Variants in MAPRE2 observed in about 807,000 individuals in gnomAD.
The protein encoded by MAPRE2 is microtubule associated protein RP/EB family member 2, also known as microtubule-associated protein RP/EB family member 2.
In MAPRE2, 13 loss-of-function variants were observed where a neutral mutation model predicts 43.2. The ratio of observed to expected loss-of-function variants is 0.30; its 90% CI spans 0.20 to 0.48. The LOEUF (loss-of-function observed/expected upper bound fraction) is 0.48, where lower values mean the gene tolerates loss of function less well. MAPRE2 is among the 20% of genes least tolerant of loss of function. The pLI is 0.99. For synonymous variants in MAPRE2, 135 were observed against 148.8 expected (o/e 0.91, Z 0.68); for missense variants, 161 against 400.2 (o/e 0.40, Z 5.10).
intron 1 of MAPRE2, among the ~76,000 whole-genome samples, chr18:35,047,682 A>G (rs1905698867): frequency 6.6e-6 from 1 of 151,260 alleles, no homozygotes; most frequent in East Asian, 2.0e-4. Flanking sequence ...AGAGTTTTAT[A>G]GGCCACCAAT....
chr18:35,055,495 T>G (rs2150608795), intron 1 of MAPRE2, among the ~76,000 whole-genome samples: 2 of 151,720 alleles, frequency 1.3e-5, no homozygotes, highest in Middle Eastern at 3.4e-3. Context: ...TAATCTGAGG[T>G]TCCAGGTGGA....
intron 4 of MAPRE2, among the ~76,000 whole-genome samples, chr18:35,122,846 G>T (rs1002153152): frequency 6.6e-6 from 1 of 152,266 alleles, no homozygotes; most frequent in African/African-American, 2.4e-5. Flanking sequence ...TTTTAGGGCC[G>T]AGACTCTGCT....
chr18:35,019,170 T>G (rs1379286211), intron 2 of MAPRE2, among the ~76,000 whole-genome samples: 1 of 152,050 alleles, frequency 6.6e-6, no homozygotes, highest in Non-Finnish European at 1.5e-5. Flanking sequence ...TTTCTATTTT[T>G]ATTCCACTGC....
intron 2 of MAPRE2, among the ~76,000 whole-genome samples, chr18:35,009,619 C>G (rs1293330280): frequency 6.6e-6 from 1 of 152,142 alleles, no homozygotes; most frequent in Non-Finnish European, 1.5e-5. Flanking sequence ...GACCAACATT[C>G]CAATTAAAGT....
chr18:35,082,681 G>T (rs987286482), intron 2 of MAPRE2, among the ~76,000 whole-genome samples: 6 of 152,066 alleles, frequency 3.9e-5, no homozygotes, highest in African/African-American at 1.4e-4. Flanking sequence ...CGCTCATTGA[G>T]TACTTGTTTT....
chr18:35,100,811 C>A (rs529756319), intron 3 of MAPRE2, among the ~76,000 whole-genome samples: 1 of 152,018 alleles, frequency 6.6e-6, no homozygotes, highest in Non-Finnish European at 1.5e-5. Flanking sequence ...GAGGCCGAGG[C>A]GGGTGGATCA....
At chr18:35,112,466 C>T (rs546972769) in intron 4 of MAPRE2, among the ~76,000 whole-genome samples, 7 of 152,250 alleles carry the variant, frequency 4.6e-5, no homozygotes, top group East Asian at 1.9e-4. Flanking sequence ...CTACCACACC[C>T]GGCAGAACAT....
At chr18:35,053,953 C>CT (rs1267024372) in intron 1 of MAPRE2, among the ~76,000 whole-genome samples, 1 of 152,088 alleles carries the variant, frequency 6.6e-6, no homozygotes, top group African/African-American at 2.4e-5. Flanking sequence ...ATTTTAAAAA[C>CT]TAAGTAAATG....
chr18:35,057,826 A>G (rs1305201222), intron 1 of MAPRE2, among the ~76,000 whole-genome samples: 1 of 152,106 alleles, frequency 6.6e-6, no homozygotes, highest in Non-Finnish European at 1.5e-5. Flanking sequence ...AGTTTTGGGG[A>G]CGATGCCCTA....
chr18:35,107,676 C>CTGCAGTAGT, intron 4 of MAPRE2, among the ~76,000 whole-genome samples: 1 of 152,202 alleles, frequency 6.6e-6, no homozygotes, highest in South Asian at 2.1e-4. Context: ...AATGTGTATT[C>CTGCAGTAGT]TGCAGTAGTT....
At chr18:34,984,946 A>T (rs1432469629) in intron 1 of MAPRE2, among the ~76,000 whole-genome samples, 3 of 14,218 alleles carry the variant, frequency 2.1e-4, no homozygotes, top group East Asian at 4.8e-3. Context: ...ATAATATATA[A>T]AATATATTAT....
At chr18:35,076,971 T>C (rs515106) in intron 2 of MAPRE2, among the ~76,000 whole-genome samples, 51,492 of 151,854 alleles carry the variant, frequency 0.34, 12,170 homozygotes, top group African/African-American at 0.66. Flanking sequence ...TCTGCTGGAG[T>C]CTCTCCTGGT....
chr18:35,025,032 T>C (rs1459076986), intron 2 of MAPRE2, among the ~76,000 whole-genome samples: 1 of 152,230 alleles, frequency 6.6e-6, no homozygotes, highest in Non-Finnish European at 1.5e-5. Flanking sequence ...TGATTAGTAC[T>C]AGCAAAGCCA....
intron 4 of MAPRE2, among the ~76,000 whole-genome samples, chr18:35,123,974 A>T (rs1293360044): frequency 1.3e-5 from 2 of 152,142 alleles, no homozygotes; most frequent in African/African-American, 4.8e-5. Context: ...TCCCAGACAA[A>T]GTGACATCTG....
At chr18:34,986,263 T>G (rs956521672) in intron 1 of MAPRE2, among the ~76,000 whole-genome samples, 2 of 152,190 alleles carry the variant, frequency 1.3e-5, no homozygotes, top group African/African-American at 4.8e-5. Context: ...TGACAGGGCC[T>G]GAAACCACCT....
chr18:35,053,716 ACAAG>A (rs1906071138), intron 1 of MAPRE2, among the ~76,000 whole-genome samples: 2 of 152,300 alleles, frequency 1.3e-5, no homozygotes, highest in Admixed American at 1.3e-4. Flanking sequence ...ATATGTTCTC[ACAAG>A]TGGCAGCTAA....
chr18:35,129,867 G>A (rs1307744084), intron 5 of MAPRE2, among the ~76,000 whole-genome samples: 1 of 152,220 alleles, frequency 6.6e-6, no homozygotes, highest in Non-Finnish European at 1.5e-5. Context: ...AACCCAAGAG[G>A]GATGAGGCTG....
chr18:34,986,827 G>A (rs2097021245), intron 1 of MAPRE2, among the ~76,000 whole-genome samples: 2 of 152,128 alleles, frequency 1.3e-5, no homozygotes, highest in South Asian at 2.1e-4. Context: ...GATAAGATTT[G>A]TTTTGGTGTA....
At chr18:35,139,935 C>T (rs1313323006) in intron 6 of MAPRE2, among the ~76,000 whole-genome samples, 1 of 152,176 alleles carries the variant, frequency 6.6e-6, no homozygotes, top group Non-Finnish European at 1.5e-5. Context: ...CAGCTTTACT[C>T]ATGGTTGTCA....
Sources: gnomAD v4.1 joint callset for allele counts (sites outside exome capture counted in the v4.1 genomes callset) on GRCh38, gnomAD v4.1.1 for gene constraint, MANE v1.5 for transcripts, NCBI Gene and HGNC (gene_info 2026-07-23, HGNC 2026-07-21) for gene names.